ANTXR1: variants seen among roughly 807,000 people sequenced by gnomAD.
ANTXR1 encodes the protein ANTXR cell adhesion molecule 1.
A neutral mutation model predicts 78.1 loss-of-function variants in ANTXR1; 19 were observed. The ratio of observed to expected loss-of-function variants is 0.24; its 90% confidence interval spans 0.17 to 0.36. The LOEUF is 0.36. ANTXR1 is among the 10% of genes least tolerant of loss of function. The probability of loss-of-function intolerance (pLI) is 1.00; values close to 1 mark genes in which losing one functional copy is unlikely to be tolerated. For missense variants in ANTXR1, 518 were observed against 718.6 expected, an observed-to-expected ratio of 0.72 and a Z score of 3.19; for synonymous variants, 273 against 260.5, an observed-to-expected ratio of 1.05 and a Z score of -0.46.
At chr2:69,193,188 C>T (rs1217186085) in intron 16 of ANTXR1, 147 bp from the exon 17 acceptor site, 3 of 713,540 alleles carry the variant, frequency 4.2e-6, no homozygotes, top group African/African-American at 3.5e-5. Flanking sequence ...AATTAAGGGA[C>T]TGCAGAGTCA....
chr2:69,123,158 A>G lies in ANTXR1; in HGVS notation c.872+72A>G. The G allele has an allele frequency of 2.0e-6, 3 of 1,501,716 alleles. No homozygotes were observed. In the East Asian group the frequency reaches 6.8e-5, roughly 34 times the overall value. 93.0% of individuals were successfully genotyped at this position (1,501,716 alleles called of 1,614,324 possible). A position where few individuals can be genotyped will look rare whatever the true frequency, so the allele number is the denominator to read the frequency against. ...AGGAGGTGTACGGGGACAGGGGAAAAGAAAGCATCTAGAGAAAGTGGAGCC... is the reference window on the plus strand; with the variant it reads ...AGGAGGTGTACGGGGACAGGGGAAAGGAAAGCATCTAGAGAAAGTGGAGCC... On this transcript the variant is annotated intron_variant, in intron 11 of 17. Transcript: ENST00000303714.
intron 10 of ANTXR1, among the ~76,000 whole-genome samples, chr2:69,112,151 T>G (rs1346953163): frequency 1.3e-5 from 2 of 152,168 alleles, no homozygotes; most frequent in East Asian, 3.8e-4. Context: ...ACCAGGGAGC[T>G]TCCGCCAAGT....
chr2:69,150,655 G>C (rs1329342791), intron 12 of ANTXR1, among the ~76,000 whole-genome samples: 1 of 106,910 alleles, frequency 9.4e-6, no homozygotes, highest in African/African-American at 4.6e-5. Context: ...TCTCACTCTT[G>C]ACATACATAT....
At position 69,245,213 on chromosome 2, in the gene ANTXR1, A is replaced by T; in HGVS notation, c.1435-12A>T. ...GTCCGCTCACGTTTCCTTCTCTCCA[A>T]TTCTTTTCTAGGGGCGCTGCATCAA... On this transcript the variant is annotated splice_polypyrimidine_tract_variant and intron_variant, in intron 17 of 17. Coordinates refer to ENST00000303714, the MANE Select transcript of ANTXR1 (RefSeq NM_032208.3). 1 of 1,613,854 alleles carries T rather than the reference A, an allele frequency of 6.2e-7. No homozygotes were observed. Among genetic ancestry groups the T allele is most frequent in the Non-Finnish European group, 8.5e-7 (1 of 1,179,976 alleles).
intron 3 of ANTXR1, among the ~76,000 whole-genome samples, chr2:69,057,819 C>T (rs908669964): frequency 1.3e-5 from 2 of 152,280 alleles, no homozygotes; most frequent in South Asian, 2.1e-4. Flanking sequence ...AAGAGCAAGG[C>T]GTCTTGTGCC....
chr2:69,049,991 A>G (rs1337625051), intron 3 of ANTXR1, among the ~76,000 whole-genome samples: 2 of 152,140 alleles, frequency 1.3e-5, no homozygotes, highest in East Asian at 3.8e-4. Context: ...TAAAAATTTT[A>G]AATCAAAAGC....
At chr2:69,214,655 A>C (rs867137392) in intron 17 of ANTXR1, among the ~76,000 whole-genome samples, 1 of 152,146 alleles carries the variant, frequency 6.6e-6, no homozygotes, top group Non-Finnish European at 1.5e-5. Context: ...GTCCCCACCC[A>C]AGTCTGTTAG....
chr2:69,213,142 G>C (rs963964614), intron 17 of ANTXR1, among the ~76,000 whole-genome samples: 3 of 151,854 alleles, frequency 2.0e-5, no homozygotes, highest in African/African-American at 7.3e-5. Flanking sequence ...AACATACAAA[G>C]TGCAAATTAT....
intron 12 of ANTXR1, 103 bp downstream of exon 12, chr2:69,124,746 G>A: frequency 8.0e-7 from 1 of 1,253,942 alleles, no homozygotes; most frequent in Admixed American, 1.8e-5. Context: ...AAAGTTTTTT[G>A]GTTCTTCGTT....
chr2:69,029,752 AC>A (rs1312649559), intron 1 of ANTXR1, among the ~76,000 whole-genome samples: 1 of 152,134 alleles, frequency 6.6e-6, no homozygotes, highest in Non-Finnish European at 1.5e-5. Flanking sequence ...TGAAAAAATT[AC>A]CTAAAAATAT....
At chr2:69,145,262 T>C in intron 12 of ANTXR1, 9 of 1,521,308 alleles carry the variant, frequency 5.9e-6, no homozygotes, top group Non-Finnish European at 8.0e-6. Context: ...GCTAGGCCCT[T>C]CTAAGGCCAG....
rs1415677671 is a variant in ANTXR1, at chr2:69,244,663, C to T, written c.1435-562C>T. ...CTTGAATTACAATATAGGAGAAGCT[C>T]GTGGTGTTAACCTTCTGCCATTTCC... On this transcript the variant is annotated intron_variant, in intron 17 of 17. Transcript: ENST00000303714. 2.0e-5 allele frequency among the ~76,000 whole-genome samples: 3 copies of T among 152,188 alleles called. No homozygotes were observed. In the East Asian group the frequency reaches 5.8e-4, roughly 29 times the overall value.
intron 8 of ANTXR1, among the ~76,000 whole-genome samples, chr2:69,086,060 A>T (rs922924273): frequency 6.6e-6 from 1 of 152,236 alleles, no homozygotes; most frequent in African/African-American, 2.4e-5. Context: ...AAAGCAAAAG[A>T]CACCTATACC....
intron 12 of ANTXR1, among the ~76,000 whole-genome samples, chr2:69,126,341 G>A (rs952734380): frequency 6.6e-6 from 1 of 152,140 alleles, no homozygotes; most frequent in Non-Finnish European, 1.5e-5. Context: ...ACTGAGAAAT[G>A]TCCATGTCTC....
At chr2:69,044,187 CT>C (rs1467356334) in intron 2 of ANTXR1, among the ~76,000 whole-genome samples, 3 of 152,144 alleles carry the variant, frequency 2.0e-5, no homozygotes, top group African/African-American at 7.2e-5. Flanking sequence ...AATAGATATT[CT>C]TATGACCAGT....
At chr2:69,227,470 G>T (rs1675485320) in intron 17 of ANTXR1, among the ~76,000 whole-genome samples, 1 of 152,164 alleles carries the variant, frequency 6.6e-6, no homozygotes, top group East Asian at 1.9e-4. Context: ...CAGCACTGGG[G>T]CCGCTCCTTT....
At chr2:69,164,345 G>A (rs1158314439) in intron 13 of ANTXR1, among the ~76,000 whole-genome samples, 1 of 152,204 alleles carries the variant, frequency 6.6e-6, no homozygotes. Flanking sequence ...TTTATATGGA[G>A]GGTTAAGAGA....
At chr2:69,073,256 G>T (rs1256899138) in intron 6 of ANTXR1, among the ~76,000 whole-genome samples, 155 bp downstream of exon 6, 1 of 152,002 alleles carries the variant, frequency 6.6e-6, no homozygotes, top group Non-Finnish European at 1.5e-5. Context: ...ATAATAATTC[G>T]TGTTCTACAA....
chr2:69,075,346 C>A (rs575906979), intron 6 of ANTXR1, among the ~76,000 whole-genome samples: 1 of 152,322 alleles, frequency 6.6e-6, no homozygotes, highest in African/African-American at 2.4e-5. Context: ...CTCCCCTCAT[C>A]TTTAAGCCCT....
Sources: gnomAD v4.1 joint callset for allele counts (sites outside exome capture counted in the v4.1 genomes callset) on GRCh38, gnomAD v4.1.1 for gene constraint, MANE v1.5 for transcripts, NCBI Gene and HGNC (gene_info 2026-07-23, HGNC 2026-07-21) for gene names.